Variants in KALRN observed in about 807,000 individuals in gnomAD.
The protein encoded by KALRN is kalirin.
Under a neutral mutation model 353.7 loss-of-function variants are expected in KALRN, and 70 were observed. The ratio of observed to expected loss-of-function variants is 0.20; its 90% confidence interval spans 0.16 to 0.24. KALRN has a LOEUF of 0.24. Among genes scored for constraint, KALRN ranks in the 10% least tolerant of loss-of-function variants. KALRN has a pLI of 1.00. For missense variants in KALRN, 2,791 were observed against 3,756.7 expected, an observed-to-expected ratio of 0.74 and a Z score of 6.72; for synonymous variants, 1,391 against 1,434.8, an observed-to-expected ratio of 0.97 and a Z score of 0.69.
chr3:124,149,923 C>T (rs4678089), intron 1 of KALRN, among the ~76,000 whole-genome samples: 41,939 of 151,886 alleles, frequency 0.28, 6,308 homozygotes, highest in East Asian at 0.46. Context: ...CTGTGGCCTC[C>T]TCTTTTCCCT....
In KALRN at chr3:124,699,879, C is replaced by T; in HGVS notation, c.7842C>T (p.Ile2614=). ...GAAACTGTACACTAGGTTCTCAGAT[C>T]TGGCAGCAGTCAGTGGCTTCGACCT... ...TVEYREEGSQ[I]WQQSVASTLD... The change falls in exon 56 of 60, where the codon ATC becomes ATT. Residue 2614 remains isoleucine (I), a synonymous_variant. Coordinates refer to ENST00000682506, the MANE Select transcript of KALRN (RefSeq NM_001388419.1). The T allele has an allele frequency of 1.2e-6, 2 of 1,614,176 alleles. No individual in the cohort carries two copies.
intron 9 of KALRN, among the ~76,000 whole-genome samples, chr3:124,344,870 G>C (rs1374213383): frequency 6.6e-6 from 1 of 152,150 alleles, no homozygotes; most frequent in East Asian, 1.9e-4. Context: ...ACATTTTAAA[G>C]AAAGCAAAGT....
intron 10 of KALRN, among the ~76,000 whole-genome samples, chr3:124,348,906 A>T (rs1024885109): frequency 6.6e-6 from 1 of 152,122 alleles, no homozygotes; most frequent in Non-Finnish European, 1.5e-5. Flanking sequence ...TTTAGTAGAG[A>T]TGGGGTTTCA....
chr3:124,052,056 A>G (rs1443237514), intron 1 of KALRN, among the ~76,000 whole-genome samples: 1 of 152,232 alleles, frequency 6.6e-6, no homozygotes, highest in African/African-American at 2.4e-5. Context: ...CCAGGGGCAT[A>G]GGAACCAAGT....
chr3:124,109,713 T>C (rs1317598389), intron 1 of KALRN, among the ~76,000 whole-genome samples: 1 of 146,720 alleles, frequency 6.8e-6, no homozygotes, highest in Non-Finnish European at 1.5e-5. Flanking sequence ...GATATATATA[T>C]GACATATATA....
chr3:124,306,861 A>G (rs184920770), intron 6 of KALRN, among the ~76,000 whole-genome samples: 32 of 152,324 alleles, frequency 2.1e-4, no homozygotes, highest in Admixed American at 1.9e-3. Context: ...AAGTGCTCAA[A>G]GGAAACAACT....
At chr3:124,662,414 T>C (rs2085009642) in intron 45 of KALRN, among the ~76,000 whole-genome samples, 1 of 151,978 alleles carries the variant, frequency 6.6e-6, no homozygotes, top group African/African-American at 2.4e-5. Context: ...TTTGCCATGT[T>C]GCCAGGCTAG....
intron 1 of KALRN, among the ~76,000 whole-genome samples, chr3:124,167,885 T>C (rs928705821): frequency 2.0e-5 from 3 of 152,180 alleles, no homozygotes; most frequent in Non-Finnish European, 2.9e-5. Context: ...CAGTTCTCAA[T>C]TGGACAGAGC....
intron 1 of KALRN, among the ~76,000 whole-genome samples, chr3:124,159,706 C>T (rs1372613173): frequency 6.6e-6 from 1 of 151,976 alleles, no homozygotes; most frequent in Non-Finnish European, 1.5e-5. Flanking sequence ...ACTGTTAGAC[C>T]CTCCAGTCCA....
intron 1 of KALRN, among the ~76,000 whole-genome samples, chr3:124,197,540 T>C (rs557371115): frequency 3.9e-5 from 6 of 152,192 alleles, no homozygotes; most frequent in African/African-American, 1.2e-4. Context: ...AGAACACTTT[T>C]CCGGTTGTGG....
chr3:124,362,895 A>T (rs76122443), intron 10 of KALRN, among the ~76,000 whole-genome samples: 1 of 152,220 alleles, frequency 6.6e-6, no homozygotes, highest in Non-Finnish European at 1.5e-5. Context: ...TGCTTAAAAA[A>T]ATACAGCTAA....
chr3:124,059,986 T>C (rs772731051), intron 1 of KALRN, among the ~76,000 whole-genome samples: 41 of 152,200 alleles, frequency 2.7e-4, no homozygotes, highest in Non-Finnish European at 5.1e-4. Context: ...GAAAATCTTT[T>C]CCAGGAGCAG....
chr3:124,499,392 A>G (rs1306365510), intron 33 of KALRN, among the ~76,000 whole-genome samples: 2 of 152,230 alleles, frequency 1.3e-5, no homozygotes, highest in Non-Finnish European at 2.9e-5. Flanking sequence ...GTCATTGGTA[A>G]GATTACATAA....
intron 1 of KALRN, among the ~76,000 whole-genome samples, chr3:124,041,561 C>A: frequency 6.6e-6 from 1 of 152,114 alleles, no homozygotes; most frequent in East Asian, 1.9e-4. Context: ...CAGGGGACCC[C>A]TTTTTTCTCC....
intron 5 of KALRN, among the ~76,000 whole-genome samples, chr3:124,271,041 C>T (rs904689629): frequency 9.2e-5 from 14 of 152,090 alleles, no homozygotes; most frequent in African/African-American, 3.1e-4. Flanking sequence ...CCGTGTTAGC[C>T]AGGATGGTCT....
In KALRN at chr3:124,439,187, TTCTCTC is replaced by T. The variant is rs111880516; in HGVS notation, c.3198+159_3198+164del. 3.7e-3 allele frequency: 1,771 copies of T among 480,292 alleles called. 31 individuals are homozygous for T. Among genetic ancestry groups the T allele is most frequent in the East Asian group, 0.033 (822 of 24,782 alleles). 29.8% of individuals were successfully genotyped at this position (480,292 alleles called of 1,614,324 possible). ...TTTCTCCTCCTCCTCCTTCTTCTCCTTCTCTCTCTCTCTCACACACACACACACACA... is the reference window on the plus strand; with the variant it reads ...TTTCTCCTCCTCCTCCTTCTTCTCCTTCTCTCTCACACACACACACACACA... On this transcript the variant is annotated intron_variant, in intron 18 of 59. Transcript: ENST00000682506.
intron 33 of KALRN, among the ~76,000 whole-genome samples, chr3:124,556,094 C>A (rs1425236397): frequency 1.3e-5 from 2 of 152,126 alleles, no homozygotes; most frequent in South Asian, 2.1e-4. Flanking sequence ...CCTGCACCAG[C>A]ACCAAGGCCT....
intron 3 of KALRN, among the ~76,000 whole-genome samples, chr3:124,244,386 C>T (rs1435136205): frequency 1.3e-5 from 2 of 152,062 alleles, no homozygotes; most frequent in South Asian, 2.1e-4. Flanking sequence ...GACAAGTGCC[C>T]ACCACACGTC....
intron 1 of KALRN, chr3:124,162,544 C>T (rs1045355337): frequency 2.6e-5 from 4 of 152,226 alleles, no homozygotes; most frequent in African/African-American, 9.6e-5. Context: ...AATCCCTGCT[C>T]TGAGGCAAAG....
Sources: allele counts gnomAD v4.1 joint callset (sites outside exome capture counted in the v4.1 genomes callset), GRCh38; gene constraint gnomAD v4.1.1; transcripts MANE v1.5; gene names NCBI Gene and HGNC (gene_info 2026-07-23, HGNC 2026-07-21).